DOCK4: variants seen among roughly 807,000 people sequenced by gnomAD.
DOCK4 encodes the protein dedicator of cytokinesis 4, also known as dedicator of cytokinesis protein 4.
Under a neutral mutation model 268.1 loss-of-function variants are expected in DOCK4, and 97 were observed. The observed-to-expected ratio is 0.36, with a 90% confidence interval of 0.31 to 0.43. DOCK4 has a LOEUF of 0.43. DOCK4 is among the 20% of genes least tolerant of loss of function. DOCK4 has a pLI of 1.00. For synonymous variants in DOCK4, 954 were observed against 887.2 expected (o/e 1.08, Z -1.34); for missense variants, 2,145 against 2,455.7 (o/e 0.87, Z 2.67).
chr7:112,125,196 A>G (rs1813097245), intron 1 of DOCK4, among the ~76,000 whole-genome samples: 1 of 152,234 alleles, frequency 6.6e-6, no homozygotes, highest in Non-Finnish European at 1.5e-5. Context: ...GAATTAAATT[A>G]CAGTGTGTCG....
chr7:111,930,419 A>C (rs1794104216), intron 12 of DOCK4, among the ~76,000 whole-genome samples: 1 of 152,202 alleles, frequency 6.6e-6, no homozygotes, highest in South Asian at 2.1e-4. Context: ...ACATCAATGA[A>C]GCATAAAGGG....
At chr7:111,746,519 T>A in intron 43 of DOCK4, 102 bp from the exon 44 acceptor site, 1 of 886,190 alleles carries the variant, frequency 1.1e-6, no homozygotes, top group Admixed American at 2.1e-5. Flanking sequence ...ATGACACCAT[T>A]ACAAACCACA....
At chr7:111,889,300 A>G (rs1808100460) in intron 16 of DOCK4, among the ~76,000 whole-genome samples, 1 of 152,180 alleles carries the variant, frequency 6.6e-6, no homozygotes, top group South Asian at 2.1e-4. Context: ...TGGGGAAGAC[A>G]GATATGTTCC....
intron 16 of DOCK4, among the ~76,000 whole-genome samples, chr7:111,894,618 AG>A (rs1178283174): frequency 6.6e-6 from 1 of 152,158 alleles, no homozygotes; most frequent in African/African-American, 2.4e-5. Context: ...AGGGAGAGGC[AG>A]GGGAAGGCTG....
intron 1 of DOCK4, among the ~76,000 whole-genome samples, chr7:112,143,865 A>G (rs1359936099): frequency 6.6e-6 from 1 of 152,224 alleles, no homozygotes; most frequent in Non-Finnish European, 1.5e-5. Flanking sequence ...TTTGGTCTCA[A>G]TCACAGCACT....
chr7:111,944,988 T>C, intron 9 of DOCK4, 117 bp from the exon 10 acceptor site: 1 of 817,228 alleles, frequency 1.2e-6, no homozygotes, highest in South Asian at 1.5e-5. Flanking sequence ...CTTAATGGAA[T>C]GTTTGTAGCA....
intron 12 of DOCK4, among the ~76,000 whole-genome samples, chr7:111,922,143 A>C (rs957037284): frequency 2.0e-5 from 3 of 152,248 alleles, no homozygotes; most frequent in Admixed American, 1.3e-4. Context: ...CAACGCTCTG[A>C]ACAAGTGACA....
At chr7:111,840,067 G>C (rs956351590) in intron 25 of DOCK4, among the ~76,000 whole-genome samples, 1 of 152,112 alleles carries the variant, frequency 6.6e-6, no homozygotes, top group Non-Finnish European at 1.5e-5. Context: ...ACTTTCTTTT[G>C]TATAAATCAC....
At chr7:111,877,613 T>G (rs939725211) in intron 16 of DOCK4, among the ~76,000 whole-genome samples, 22 of 152,310 alleles carry the variant, frequency 1.4e-4, no homozygotes, top group African/African-American at 5.3e-4. Context: ...CAACATCTCA[T>G]CTGAGGCAGC....
At chr7:111,796,759 C>G (rs1355736506) in intron 30 of DOCK4, among the ~76,000 whole-genome samples, 2 of 152,164 alleles carry the variant, frequency 1.3e-5, no homozygotes, top group African/African-American at 4.8e-5. Flanking sequence ...TCTCCAAGAT[C>G]CATTTTTTAG....
chr7:111,828,238 C>T (rs1802549237), intron 26 of DOCK4, among the ~76,000 whole-genome samples: 1 of 152,172 alleles, frequency 6.6e-6, no homozygotes, highest in South Asian at 2.1e-4. Flanking sequence ...GCCCTCAGGT[C>T]TTTGCTCCCA....
intron 47 of DOCK4, chr7:111,740,337 G>C (rs558015279): frequency 1.5e-3 from 306 of 206,796 alleles, no homozygotes; most frequent in Non-Finnish European, 2.5e-3. Context: ...AGATCTCAAG[G>C]TGATTCGCTC....
intron 1 of DOCK4, among the ~76,000 whole-genome samples, chr7:112,105,776 C>A (rs577128675): frequency 6.6e-6 from 1 of 151,508 alleles, no homozygotes; most frequent in East Asian, 1.9e-4. Context: ...GCAGCCTTGA[C>A]CTCCTGGGCT....
intron 1 of DOCK4, among the ~76,000 whole-genome samples, chr7:112,182,768 C>A (rs916915300): frequency 6.6e-6 from 1 of 152,250 alleles, no homozygotes; most frequent in Non-Finnish European, 1.5e-5. Context: ...AAGCACACGG[C>A]TAGGTGTGCA....
intron 16 of DOCK4, among the ~76,000 whole-genome samples, chr7:111,885,355 C>G (rs917187407): frequency 1.3e-5 from 2 of 152,144 alleles, no homozygotes; most frequent in Admixed American, 6.5e-5. Context: ...ACTTGTAAAA[C>G]CACAGTTTAG....
At chr7:111,906,135 G>A (rs1331356116) in intron 13 of DOCK4, among the ~76,000 whole-genome samples, 3 of 152,076 alleles carry the variant, frequency 2.0e-5, no homozygotes, top group South Asian at 4.1e-4. Context: ...CATCAAATAA[G>A]CTACTGCAAT....
At chr7:112,067,019 A>G (rs940417394) in intron 1 of DOCK4, among the ~76,000 whole-genome samples, 1 of 150,948 alleles carries the variant, frequency 6.6e-6, no homozygotes, top group African/African-American at 2.4e-5. Context: ...CAAACCAAAC[A>G]AAACCCAAAA....
intron 16 of DOCK4, among the ~76,000 whole-genome samples, chr7:111,880,166 A>T (rs1807261545): frequency 6.6e-6 from 1 of 152,142 alleles, no homozygotes; most frequent in African/African-American, 2.4e-5. Flanking sequence ...AGGATGAAGA[A>T]AGGATCCTAA....
At chr7:111,917,393 T>A (rs1169104130) in intron 12 of DOCK4, among the ~76,000 whole-genome samples, 1 of 152,078 alleles carries the variant, frequency 6.6e-6, no homozygotes, top group Non-Finnish European at 1.5e-5. Flanking sequence ...AAACATTCAG[T>A]CATCATTAAC....
Sources: gnomAD v4.1 joint callset for allele counts (sites outside exome capture counted in the v4.1 genomes callset) on GRCh38, gnomAD v4.1.1 for gene constraint, MANE v1.5 for transcripts, NCBI Gene and HGNC (gene_info 2026-07-23, HGNC 2026-07-21) for gene names.